Variants in CHD7 observed in about 807,000 individuals in gnomAD.
CHD7 encodes chromodomain helicase DNA binding protein 7.
CHD7 carries 24 observed loss-of-function variants against 307.3 expected under a neutral mutation model. That is an observed-to-expected ratio of 0.08 (90% CI 0.06 to 0.11). The LOEUF (loss-of-function observed/expected upper bound fraction) is 0.11. Ranked by LOEUF, CHD7 falls within the 10% of genes least tolerant of loss-of-function variation. The pLI is 1.00. For synonymous variants in CHD7, 1,363 were observed against 1,349.9 expected, an observed-to-expected ratio of 1.01 and a Z score of -0.21; for missense variants, 3,106 against 3,727.1, an observed-to-expected ratio of 0.83 and a Z score of 4.34.
chr8:60,744,356 C>T (rs1160882701), intron 2 of CHD7, among the ~76,000 whole-genome samples: 1 of 151,934 alleles, frequency 6.6e-6, no homozygotes, highest in African/African-American at 2.4e-5. Context: ...AACCTGTTTT[C>T]TAGGCCTTTG....
At chr8:60,692,172 A>G (rs1806227254) in intron 1 of CHD7, among the ~76,000 whole-genome samples, 1 of 152,108 alleles carries the variant, frequency 6.6e-6, no homozygotes. Flanking sequence ...CTTACAGTGT[A>G]TTTTGGAATA....
rs369866018 is a variant in CHD7, at chr8:60,764,510, G to GAAT, written c.1666-16489_1666-16487dup. Among the ~76,000 whole-genome samples, 724 of 152,244 alleles carry GAAT rather than the reference G, an allele frequency of 4.8e-3. 2 individuals are homozygous for GAAT. The highest frequency in any genetic ancestry group is 0.016 in the African/African-American group (682 of 41,522). ...TACTTTTGTTTGGCAGTGTCTCTGG[G>GAAT]AATGAGATGAGGGATTGCAATTAGT... On this transcript the variant is annotated intron_variant, in intron 2 of 37. Coordinates refer to ENST00000423902, the MANE Select transcript of CHD7 (RefSeq NM_017780.4).
intron 1 of CHD7, among the ~76,000 whole-genome samples, chr8:60,716,699 C>T (rs1195175817): frequency 1.3e-5 from 2 of 152,236 alleles, no homozygotes; most frequent in Admixed American, 6.5e-5. Flanking sequence ...ACTCTCTCCA[C>T]AAACAAAGCT....
intron 35 of CHD7, chr8:60,861,960 A>G: frequency 3.2e-6 from 1 of 310,824 alleles, no homozygotes. Context: ...ACTTTAAGTG[A>G]GGTTATTGAT....
Position 60,784,656 on chromosome 8 carries a change from C to G in CHD7, c.2096+3226C>G, listed in dbSNP as rs1811409286. Among the ~76,000 whole-genome samples, 5 of 152,276 alleles carry G rather than the reference C, an allele frequency of 3.3e-5. No individual in the cohort carries two copies. In the South Asian group the frequency reaches 1.0e-3, roughly 32 times the overall value. ...TCACTGTCTGGCACCCCATCTTGTT[C>G]TGTAAAATGGCAGAAGCTTGAATTT... On this transcript the variant is annotated intron_variant, in intron 3 of 37. Coordinates refer to ENST00000423902, the MANE Select transcript of CHD7 (RefSeq NM_017780.4).
In CHD7 at chr8:60,821,851, G is replaced by A. The variant is rs1014640333; in HGVS notation, c.2759G>A (p.Arg920Gln). 12 of 1,597,378 alleles carry A rather than the reference G, an allele frequency of 7.5e-6. 1 individual carries two copies. The highest frequency in any genetic ancestry group is 3.3e-4 in the Middle Eastern group (2 of 6,074). ...CCTTATGAAGACAGCACGTGGGAGC[G>A]GAGGCAGGACATAGATCAAGCAAAG... ...SLPYEDSTWE[R>Q]RQDIDQAKIE... is the part of the protein sequence containing the mutation. The change falls in exon 10 of 38, where the codon CGG (arginine) becomes CAG (glutamine). Residue 920 changes from arginine to glutamine, a missense_variant. This residue lies in a region of CHD7 where 188 missense variants were observed against 261.7 expected (regional missense o/e 0.72). Transcript: ENST00000423902.
intron 8 of CHD7, among the ~76,000 whole-genome samples, chr8:60,818,038 G>GT (rs1448531745): frequency 2.0e-5 from 3 of 152,140 alleles, no homozygotes; most frequent in Non-Finnish European, 4.4e-5. Flanking sequence ...TATTTACCTG[G>GT]TAACTTGGCA....
intron 34 of CHD7, among the ~76,000 whole-genome samples, chr8:60,860,313 A>C (rs937605039): frequency 6.6e-6 from 1 of 152,188 alleles, no homozygotes; most frequent in Non-Finnish European, 1.5e-5. Context: ...TATACCCCCC[A>C]TGTTGTATTC....
intron 2 of CHD7, 85 bp downstream of exon 2, chr8:60,743,182 T>G: frequency 8.5e-7 from 1 of 1,180,592 alleles, no homozygotes; most frequent in Non-Finnish European, 1.2e-6. Context: ...CTTTAAACTC[T>G]ATGAAAAGCT....
chr8:60,754,026 G>A (rs1049610015), intron 2 of CHD7, among the ~76,000 whole-genome samples: 1 of 152,188 alleles, frequency 6.6e-6, no homozygotes, highest in Non-Finnish European at 1.5e-5. Flanking sequence ...TCCAAAGTAA[G>A]TAAATGCAAA....
intron 1 of CHD7, among the ~76,000 whole-genome samples, chr8:60,701,375 C>G (rs1049722309): frequency 3.9e-5 from 6 of 152,138 alleles, no homozygotes; most frequent in Non-Finnish European, 8.8e-5. Flanking sequence ...TTTTGTTTCC[C>G]AAAATAAGTG....
chr8:60,817,478 A>G (rs1006742871), intron 8 of CHD7, among the ~76,000 whole-genome samples: 4 of 152,170 alleles, frequency 2.6e-5, no homozygotes, highest in Non-Finnish European at 4.4e-5. Context: ...CATGGTCCCA[A>G]CTGGCCTATG....
chr8:60,768,894 C>A (rs1173845158), intron 2 of CHD7, among the ~76,000 whole-genome samples: 1 of 152,102 alleles, frequency 6.6e-6, no homozygotes, highest in African/African-American at 2.4e-5. Context: ...TGCTAAAACA[C>A]CCCATCTTAT....
intron 7 of CHD7, among the ~76,000 whole-genome samples, chr8:60,815,961 C>G (rs911755657): frequency 3.9e-5 from 6 of 152,210 alleles, no homozygotes; most frequent in Non-Finnish European, 8.8e-5. Flanking sequence ...AAACCTATTT[C>G]TCAATGATAA....
At chr8:60,708,782 T>C (rs1478860841) in intron 1 of CHD7, among the ~76,000 whole-genome samples, 1 of 152,208 alleles carries the variant, frequency 6.6e-6, no homozygotes, top group Admixed American at 6.5e-5. Flanking sequence ...TACTACCTCT[T>C]CTGTAAAGCC....
Position 60,751,902 on chromosome 8 carries a change from T to C in CHD7, c.1665+8805T>C, listed in dbSNP as rs567688562. The stretch of plus-strand genomic sequence containing the variant: ...TACCTGCATCATCTTGCTTGTTTTT[T>C]ATCCTGGACAATTTCCAGGACGATG... On this transcript the variant is annotated intron_variant, in intron 2 of 37. Transcript: ENST00000423902. 2.0e-5 allele frequency among the ~76,000 whole-genome samples: 3 copies of C among 152,332 alleles called. No individual in the cohort carries two copies. In the East Asian group the frequency reaches 5.8e-4, roughly 29 times the overall value.
At chr8:60,849,267 A>C in intron 25 of CHD7, 113 bp downstream of exon 25, 1 of 593,154 alleles carries the variant, frequency 1.7e-6, no homozygotes. Context: ...GTTCCAAAGG[A>C]CTCTTGGCGT....
rs76254668 is a variant in CHD7 at position 60,843,542 on chromosome 8, G to A, written c.4851-1322G>A. On this transcript the variant is annotated intron_variant, in intron 21 of 37. Coordinates refer to ENST00000423902, the MANE Select transcript of CHD7 (RefSeq NM_017780.4). Reference sequence around the variant, plus strand: ...GTCTAGGATCCTCTCAGTCACTAGGGGTGGAGCTCTGAGCAAGACAGTCAT... The same window carrying A: ...GTCTAGGATCCTCTCAGTCACTAGGAGTGGAGCTCTGAGCAAGACAGTCAT... 6.6e-3 allele frequency among the ~76,000 whole-genome samples: 1,009 copies of A among 152,288 alleles called. 6 individuals carry two copies. The highest frequency in any genetic ancestry group is 0.061 in the Middle Eastern group (18 of 294).
At chr8:60,826,625 C>T (rs1056558154) in intron 13 of CHD7, among the ~76,000 whole-genome samples, 8 of 152,168 alleles carry the variant, frequency 5.3e-5, no homozygotes, top group African/African-American at 9.7e-5. Context: ...CCAGAAAGGA[C>T]GACCAATGAG....
Sources: gnomAD v4.1 joint callset for allele counts (sites outside exome capture counted in the v4.1 genomes callset) on GRCh38, gnomAD v4.1.1 for gene constraint, gnomAD v4.1.1 regional missense constraint, MANE v1.5 for transcripts, NCBI Gene and HGNC (gene_info 2026-07-23, HGNC 2026-07-21) for gene names.